The following OS9 variants were observed in gnomAD, a reference collection of about 807,000 sequenced individuals.
The protein encoded by OS9 is OS9 endoplasmic reticulum lectin.
OS9 carries 58 observed loss-of-function variants against 84.7 expected under a neutral mutation model. That is an observed-to-expected ratio of 0.68 (90% CI 0.55 to 0.85). OS9 has a LOEUF of 0.85. Among genes scored for constraint, OS9 ranks in the 40% least tolerant of loss-of-function variants. OS9 has a pLI of 0.00. For missense variants in OS9, 760 were observed against 850.9 expected, an observed-to-expected ratio of 0.89 and a Z score of 1.33; for synonymous variants, 278 against 320.8, an observed-to-expected ratio of 0.87 and a Z score of 1.43.
At chr12:57,720,385 C>G (rs768489939) in intron 13 of OS9, 21 bp from the exon 14 acceptor site, 3 of 1,602,700 alleles carry the variant, frequency 1.9e-6, no homozygotes, top group Non-Finnish European at 2.6e-6. Context: ...TCTCCTCTCA[C>G]TGCATACTGC....
chr12:57,713,736 G>A (rs1055215092), intron 5 of OS9, among the ~76,000 whole-genome samples: 3 of 150,092 alleles, frequency 2.0e-5, no homozygotes, highest in Non-Finnish European at 1.5e-5. Context: ...TTACCTGCTG[G>A]AGTGGAGCTT....
At chr12:57,712,624 T>G (rs1224077122) in intron 5 of OS9, among the ~76,000 whole-genome samples, 1 of 152,158 alleles carries the variant, frequency 6.6e-6, no homozygotes, top group African/African-American at 2.4e-5. Context: ...CATACTTTAC[T>G]GTTTCTGCAT....
Position 57,720,151 on chromosome 12 carries a change from A to C in OS9, c.1653A>C (p.Gly551=), listed in dbSNP as rs1042019894. 25 of 1,614,040 alleles carry C rather than the reference A, an allele frequency of 1.5e-5. No individual in the cohort carries two copies. The highest frequency in any genetic ancestry group is 2.1e-5 in the Non-Finnish European group (25 of 1,180,026). The change falls in exon 13 of 15, where the codon GGA becomes GGC. Residue 551 remains glycine (G), a synonymous_variant. Transcript: ENST00000315970. The part of the protein sequence containing the change: ...VRVRVTKLRL[G]GPNQDLTVLE... Reference sequence around the variant, plus strand: ...TCCGGGTCACCAAGCTCCGTCTCGGAGGCCCTAATCAGGATCTGACTGTCC... The same window carrying C: ...TCCGGGTCACCAAGCTCCGTCTCGGCGGCCCTAATCAGGATCTGACTGTCC...
At chr12:57,704,097 T>C (rs1954099693) in intron 5 of OS9, among the ~76,000 whole-genome samples, 2 of 152,252 alleles carry the variant, frequency 1.3e-5, no homozygotes, top group Non-Finnish European at 2.9e-5. Context: ...ATTCTATTAA[T>C]GTATATGACA....
chr12:57,694,200 G>A lies in OS9; in HGVS notation c.39G>A (p.Leu13=). 5 of 1,614,186 alleles carry A rather than the reference G, an allele frequency of 3.1e-6. No homozygotes were observed. Among genetic ancestry groups the A allele is most frequent in the Non-Finnish European group, 4.2e-6 (5 of 1,180,010 alleles). Residue 13 remains leucine (L), a synonymous_variant, in exon 1 of 15, where the codon CTG becomes CTA. Coordinates refer to ENST00000315970, the MANE Select transcript of OS9 (RefSeq NM_006812.4). Reference sequence around the variant, plus strand: ...CGCTGCTGTCCAGTTTGTTAGGACTGCTGCTTCTGGGACTCCTGTTACCCG... The same window carrying A: ...CGCTGCTGTCCAGTTTGTTAGGACTACTGCTTCTGGGACTCCTGTTACCCG... ...AETLLSSLLG[L]LLLGLLLPAS...
Position 57,696,015 on chromosome 12 carries a change from G to T in OS9, c.457G>T (p.Asp153Tyr), listed in dbSNP as rs773887597. Residue 153 changes from aspartate to tyrosine, a missense_variant, in exon 4 of 15, where the codon GAC (aspartate) becomes TAC (tyrosine). Transcript: ENST00000315970. ...LYLGYYQSAF[D>Y]WDDETAKASK... ...TCTCGGCTACTACCAATCAGCCTTC[G>T]ACTGGGATGATGAAACAGCCAAGGT... 6.2e-7 allele frequency: 1 copy of T among 1,613,128 alleles called. No homozygotes were observed. Among genetic ancestry groups the T allele is most frequent in the Non-Finnish European group, 8.5e-7 (1 of 1,179,252 alleles).
At chr12:57,718,462 G>C (rs1415350288) in intron 11 of OS9, 41 bp downstream of exon 11, 9 of 1,592,766 alleles carry the variant, frequency 5.7e-6, no homozygotes, top group Non-Finnish European at 7.7e-6. Context: ...ACAGCCGCCT[G>C]GTCCCGTGGA....
At chr12:57,716,282 G>GC (rs1231464703) in intron 7 of OS9, 89 bp downstream of exon 7, 14 of 764,600 alleles carry the variant, frequency 1.8e-5, no homozygotes, top group Admixed American at 1.1e-4. Flanking sequence ...GGTGGGGTGG[G>GC]GGGGGGTGGA....
intron 5 of OS9, 72 bp downstream of exon 5, chr12:57,696,445 T>A: frequency 3.0e-6 from 1 of 333,954 alleles, no homozygotes; most frequent in Non-Finnish European, 5.1e-6. Context: ...GGGTTGCATC[T>A]TATAGTCGGG....
At chr12:57,711,038 CAAAA>C (rs35365273) in intron 5 of OS9, among the ~76,000 whole-genome samples, 5 of 71,914 alleles carry the variant, frequency 7.0e-5, no homozygotes, top group South Asian at 6.0e-4. Context: ...GACTCCGTCT[CAAAA>C]AAAAAAAAAA....
intron 5 of OS9, among the ~76,000 whole-genome samples, chr12:57,710,771 G>A (rs1370831778): frequency 3.3e-5 from 5 of 152,102 alleles, no homozygotes; most frequent in Non-Finnish European, 7.4e-5. Flanking sequence ...TGGTCATGGT[G>A]GCTCATGCCT....
intron 5 of OS9, among the ~76,000 whole-genome samples, chr12:57,712,754 C>T (rs1448490845): frequency 6.6e-6 from 1 of 151,990 alleles, no homozygotes; most frequent in Non-Finnish European, 1.5e-5. Flanking sequence ...CTTGGCTGCA[C>T]TACTTGCATT....
In OS9 at chr12:57,694,378, T is replaced by TA. The variant is rs1301391878; in HGVS notation, c.162+56dup. 3 of 1,583,380 alleles carry TA rather than the reference T, an allele frequency of 1.9e-6. No homozygotes were observed. In the African/African-American group the frequency reaches 4.0e-5, roughly 21 times the overall value. ...GGCAGAAGAGGAAGCGGGTAAGAGA[T>TA]AGAGGAAGAAGGGCAGCTCCGGAGT... On this transcript the variant is annotated intron_variant, in intron 1 of 14. Coordinates refer to ENST00000315970, the MANE Select transcript of OS9 (RefSeq NM_006812.4).
At chr12:57,718,088 G>A (rs115191325) in intron 10 of OS9, 58 bp from the exon 11 acceptor site, 34 of 1,575,326 alleles carry the variant, frequency 2.2e-5, no homozygotes, top group East Asian at 6.7e-5. Context: ...GTCTGCCCCC[G>A]ACCATGTGTC....
intron 5 of OS9, among the ~76,000 whole-genome samples, chr12:57,706,690 A>G (rs1467656016): frequency 6.6e-6 from 1 of 151,926 alleles, no homozygotes; most frequent in Non-Finnish European, 1.5e-5. Flanking sequence ...CTCAAAAAAA[A>G]AGTTTTAAAT....
chr12:57,704,388 T>G (rs1954108398), intron 5 of OS9, among the ~76,000 whole-genome samples: 1 of 151,706 alleles, frequency 6.6e-6, no homozygotes, highest in South Asian at 2.1e-4. Context: ...AATACAAAAA[T>G]TAGCTGGGCG....
At position 57,720,483 on chromosome 12, in the gene OS9, A is replaced by T. The variant is rs958806882; in HGVS notation, c.1843A>T (p.Thr615Ser). Reference protein sequence around the residue: ...EGARWLTDEDTRNLKEIFFNI... With the variant: ...EGARWLTDEDSRNLKEIFFNI... ...TGCACGTTGGCTGACTGATGAGGAC[A>T]CGAGAAACCTCAAGGAGATCTTCTT... Residue 615 changes from threonine to serine, a missense_variant, in exon 14 of 15, where the codon ACG becomes TCG. By Grantham distance (58) the Thr-to-Ser change is moderately conservative. Coordinates refer to ENST00000315970, the MANE Select transcript of OS9 (RefSeq NM_006812.4). 1 of 1,613,606 alleles carries T rather than the reference A, an allele frequency of 6.2e-7. No homozygotes were observed. The highest frequency in any genetic ancestry group is 8.5e-7 in the Non-Finnish European group (1 of 1,179,434).
intron 4 of OS9, 90 bp downstream of exon 4, chr12:57,696,128 G>C: frequency 8.0e-7 from 1 of 1,250,866 alleles, no homozygotes; most frequent in Non-Finnish European, 1.2e-6. Context: ...TAGCTGATCT[G>C]TTTCTTGGGG....
chr12:57,718,083 C>T (rs999852514), intron 10 of OS9, 63 bp from the exon 11 acceptor site: 2 of 1,564,950 alleles, frequency 1.3e-6, no homozygotes, highest in Admixed American at 1.7e-5. Context: ...TGTTTGTCTG[C>T]CCCCGACCAT....
Sources: allele counts gnomAD v4.1 joint callset (sites outside exome capture counted in the v4.1 genomes callset), GRCh38; gene constraint gnomAD v4.1.1; transcripts MANE v1.5; gene names NCBI Gene and HGNC (gene_info 2026-07-23, HGNC 2026-07-21).